LNX1: variants seen among roughly 807,000 people sequenced by gnomAD.
The protein encoded by LNX1 is E3 ubiquitin-protein ligase LNX.
LNX1 carries 54 observed loss-of-function variants against 68.4 expected under a neutral mutation model. The observed-to-expected ratio is 0.79, with a 90% CI of 0.63 to 0.99. The LOEUF (loss-of-function observed/expected upper bound fraction) is 0.99, where lower values mean the gene tolerates loss of function less well. Ranked by LOEUF, LNX1 falls within the 50% of genes least tolerant of loss-of-function variation. The probability of loss-of-function intolerance (pLI) is 0.00; values close to 1 mark genes in which losing one functional copy is unlikely to be tolerated. For synonymous variants in LNX1, 336 were observed against 350.0 expected (o/e 0.96, Z 0.45); for missense variants, 906 against 926.4 (o/e 0.98, Z 0.29).
chr4:53,606,799 A>T (rs1165522437), intron 2 of LNX1, among the ~76,000 whole-genome samples: 1 of 152,222 alleles, frequency 6.6e-6, no homozygotes, highest in Non-Finnish European at 1.5e-5. Flanking sequence ...AGGTTGCTTC[A>T]ACATACACAA....
chr4:53,652,204 C>T (rs934611944), exon 1 of LNX1: 4 of 152,134 alleles, frequency 2.6e-5, no homozygotes, highest in African/African-American at 4.8e-5. Flanking sequence ...AGCTGTGTGA[C>T]GTCTCAGGAG....
chr4:53,465,076 T>G (rs1403711563), intron 9 of LNX1, among the ~76,000 whole-genome samples: 1 of 152,206 alleles, frequency 6.6e-6, no homozygotes, highest in Non-Finnish European at 1.5e-5. Context: ...CTTCCAAGCG[T>G]CTTGCATTTT....
chr4:53,606,121 GA>G (rs1199737866), intron 2 of LNX1, among the ~76,000 whole-genome samples: 1 of 152,054 alleles, frequency 6.6e-6, no homozygotes, highest in Non-Finnish European at 1.5e-5. Flanking sequence ...AGGAAACTGG[GA>G]AAAACCATAC....
chr4:53,576,455 C>G (rs1174683421), intron 1 of LNX1: 4 of 1,405,238 alleles, frequency 2.8e-6, no homozygotes, highest in Non-Finnish European at 3.7e-6. Flanking sequence ...CAAAGTGCAG[C>G]TGACTCTTCC....
upstream of LNX1, among the ~76,000 whole-genome samples, chr4:53,595,519 G>C (rs80327624): frequency 0.015 from 2,312 of 152,236 alleles, 30 homozygotes; most frequent in Middle Eastern, 0.034. Context: ...ATGCCATTTC[G>C]GCAACCACAT....
chr4:53,572,055 G>A (rs900135645), intron 2 of LNX1, among the ~76,000 whole-genome samples: 3 of 152,252 alleles, frequency 2.0e-5, no homozygotes, highest in East Asian at 3.9e-4. Context: ...ATTGCAACAC[G>A]GGACTGTGGT....
intron 9 of LNX1, 83 bp downstream of exon 9, chr4:53,476,670 C>T: frequency 8.8e-7 from 1 of 1,142,786 alleles, no homozygotes; most frequent in Non-Finnish European, 1.3e-6. Context: ...TGCCATGAAT[C>T]AGCCCTAGAG....
chr4:53,579,343 G>T, intron 1 of LNX1: 1 of 819,030 alleles, frequency 1.2e-6, no homozygotes, highest in Non-Finnish European at 1.5e-6. Flanking sequence ...TTCTGATCTG[G>T]AATAGGACAG....
rs115045950 is a variant in LNX1 at position 53,650,078 on chromosome 4, C to T, written c.-215+2090G>A. Among the ~76,000 whole-genome samples the T allele has an allele frequency of 1.1e-3, 165 of 152,184 alleles. 1 individual carries two copies. Among genetic ancestry groups the T allele is most frequent in the African/African-American group, 3.7e-3 (155 of 41,526 alleles). On this transcript the variant is annotated intron_variant, in intron 1 of 2. Coordinates refer to the LNX1 transcript ENST00000507168. ...CCCACATCCATATAGATGAGCAGAC[C>T]GAGTGGAATAGAATGAATGGAATGA...
rs1721370628 is a variant in LNX1, at chr4:53,459,565, G to GAA, written c.*1340_*1341dup. 4 of 1,449,998 alleles carry GAA rather than the reference G, an allele frequency of 2.8e-6. No homozygotes were observed. Among genetic ancestry groups the GAA allele is most frequent in the African/African-American group, 1.4e-5 (1 of 69,902 alleles). 89.8% of individuals were successfully genotyped at this position (1,449,998 alleles called of 1,614,324 possible). ...TAAATCTTGTTCTGTTTGTTAGTAT[G>GAA]AAAAGTTAACTTTTTTTCCAAAATA... On this transcript the variant is annotated 3_prime_UTR_variant, in exon 11 of 11. Coordinates refer to ENST00000263925, the MANE Select transcript of LNX1 (RefSeq NM_001126328.3).
chr4:53,614,855 A>C (rs1733628122), intron 2 of LNX1, among the ~76,000 whole-genome samples: 1 of 152,154 alleles, frequency 6.6e-6, no homozygotes, highest in Non-Finnish European at 1.5e-5. Flanking sequence ...AGGAGGCTCC[A>C]GGTGCAGGGA....
At chr4:53,531,310 C>T (rs754815839) in intron 2 of LNX1, among the ~76,000 whole-genome samples, 5 of 152,144 alleles carry the variant, frequency 3.3e-5, no homozygotes, top group Non-Finnish European at 5.9e-5. Flanking sequence ...AAAAGGCCAC[C>T]TGTTCTTTTC....
chr4:53,507,938 A>T (rs939817766), intron 3 of LNX1, 48 bp downstream of exon 3: 1 of 1,592,070 alleles, frequency 6.3e-7, no homozygotes, highest in African/African-American at 1.3e-5. Flanking sequence ...ACAGAGGGCA[A>T]TCGCAAGCCA....
At chr4:53,618,290 AAG>A (rs1733751911), upstream of LNX1, among the ~76,000 whole-genome samples, 3 of 152,032 alleles carry the variant, frequency 2.0e-5, no homozygotes, top group Admixed American at 1.3e-4. Context: ...GCCTTGGGAA[AAG>A]AGTATTCTAA....
intron 1 of LNX1, among the ~76,000 whole-genome samples, chr4:53,625,661 G>A (rs1473783479): frequency 6.6e-6 from 1 of 152,078 alleles, no homozygotes; most frequent in Non-Finnish European, 1.5e-5. Flanking sequence ...AATAAAAATA[G>A]CTGGGTGTGA....
intron 2 of LNX1, among the ~76,000 whole-genome samples, chr4:53,545,619 A>G (rs1729055189): frequency 2.0e-5 from 3 of 152,172 alleles, no homozygotes; most frequent in African/African-American, 7.2e-5. Context: ...TTTATAGTGC[A>G]CTTAAAATGT....
intron 10 of LNX1, 89 bp from the exon 11 acceptor site, chr4:53,461,131 C>T: frequency 9.2e-7 from 1 of 1,092,130 alleles, no homozygotes; most frequent in Non-Finnish European, 1.3e-6. Context: ...CTAGATTTTG[C>T]TACATCTGAC....
At position 53,556,724 on chromosome 4, in the gene LNX1, A is replaced by G. The variant is rs1269949177; in HGVS notation, c.380+16899T>C. Among the ~76,000 whole-genome samples, 8 of 152,352 alleles carry G rather than the reference A, an allele frequency of 5.3e-5. No homozygotes were observed. In the East Asian group the frequency reaches 1.5e-3, roughly 29 times the overall value. On this transcript the variant is annotated intron_variant, in intron 2 of 10. Transcript: ENST00000263925. ...GGACCAGATAATCCTGAAATGCAGAACAAATGATCACTTCCAAGAACCTAG... is the reference window on the plus strand; with the variant it reads ...GGACCAGATAATCCTGAAATGCAGAGCAAATGATCACTTCCAAGAACCTAG...
At chr4:53,461,174 T>G in intron 10 of LNX1, 132 bp from the exon 11 acceptor site, 1 of 777,232 alleles carries the variant, frequency 1.3e-6, no homozygotes, top group South Asian at 2.0e-5. Flanking sequence ...AATTGAGATA[T>G]TTCTTGCCTC....
Sources: allele counts gnomAD v4.1 joint callset (sites outside exome capture counted in the v4.1 genomes callset), GRCh38; gene constraint gnomAD v4.1.1; transcripts MANE v1.5; gene names NCBI Gene and HGNC (gene_info 2026-07-23, HGNC 2026-07-21).